Variants in TNIK observed in about 807,000 individuals in gnomAD.
The protein encoded by TNIK is TRAF2 and NCK-interacting protein kinase.
In TNIK, 49 loss-of-function variants were observed where a neutral mutation model predicts 191.3. The observed-to-expected ratio is 0.26, with a 90% CI of 0.20 to 0.32. The LOEUF (loss-of-function observed/expected upper bound fraction) is 0.32. Among genes scored for constraint, TNIK ranks in the 10% least tolerant of loss-of-function variants. TNIK has a pLI of 1.00. For missense variants in TNIK, 1,155 were observed against 1,702.3 expected, an observed-to-expected ratio of 0.68 and a Z score of 5.66; for synonymous variants, 594 against 600.9, an observed-to-expected ratio of 0.99 and a Z score of 0.17.
chr3:171,384,700 G>A (rs925415971), intron 1 of TNIK, among the ~76,000 whole-genome samples: 7 of 152,180 alleles, frequency 4.6e-5, no homozygotes, highest in Non-Finnish European at 1.0e-4. Context: ...GATATTTATG[G>A]CATGAGCTGG....
intron 21 of TNIK, among the ~76,000 whole-genome samples, chr3:171,103,062 A>G (rs1723866818): frequency 6.6e-6 from 1 of 152,194 alleles, no homozygotes; most frequent in South Asian, 2.1e-4. Context: ...TAGAAATCAA[A>G]GGGAAAGCAA....
chr3:171,329,970 G>A (rs923131155), intron 2 of TNIK, among the ~76,000 whole-genome samples: 15 of 152,180 alleles, frequency 9.9e-5, no homozygotes, highest in South Asian at 2.1e-4. Flanking sequence ...CAATGTCAAA[G>A]GTTGTCACAG....
intron 2 of TNIK, among the ~76,000 whole-genome samples, chr3:171,230,616 T>C (rs1391406392): frequency 1.3e-5 from 2 of 152,148 alleles, no homozygotes; most frequent in East Asian, 3.8e-4. Context: ...GTTTCTTGCC[T>C]CTCAGATGGT....
rs559690270 is a variant in TNIK, at chr3:171,221,631, C to T, written c.180+6534G>A. Reference sequence around the variant, plus strand: ...GTCTGTCTTGTTCACTGGATGACTCCGTAGCACAGTGCACTCATTCATTCT... The same window carrying T: ...GTCTGTCTTGTTCACTGGATGACTCTGTAGCACAGTGCACTCATTCATTCT... On this transcript the variant is annotated intron_variant, in intron 3 of 32. Transcript: ENST00000436636. Among the ~76,000 whole-genome samples, 312 of 152,170 alleles carry T rather than the reference C, an allele frequency of 2.1e-3. 3 individuals are homozygous for T. Among genetic ancestry groups the T allele is most frequent in the Middle Eastern group, 0.01 (3 of 294 alleles).
chr3:171,082,439 T>C (rs1720815751), intron 26 of TNIK, 45 bp from the exon 27 acceptor site: 2 of 1,592,662 alleles, frequency 1.3e-6, no homozygotes, highest in Admixed American at 1.8e-5. Context: ...TCATGAACTT[T>C]AATCTTCTGC....
At chr3:171,396,286 T>C (rs1177554550) in intron 1 of TNIK, among the ~76,000 whole-genome samples, 4 of 152,228 alleles carry the variant, frequency 2.6e-5, no homozygotes, top group Non-Finnish European at 5.9e-5. Flanking sequence ...ATATCATTAC[T>C]TCATTCCTTT....
At chr3:171,123,783 A>G in intron 17 of TNIK, 81 bp from the exon 18 acceptor site, 1 of 1,044,306 alleles carries the variant, frequency 9.6e-7, no homozygotes, top group Non-Finnish European at 1.4e-6. Flanking sequence ...CTTTCCAATG[A>G]TTTGCCAGAA....
At chr3:171,119,309 G>A (rs1018259112) in intron 18 of TNIK, among the ~76,000 whole-genome samples, 22 of 152,244 alleles carry the variant, frequency 1.4e-4, no homozygotes, top group African/African-American at 4.8e-4. Context: ...TGGAGAGGAT[G>A]TGGAGAAATA....
At chr3:171,386,037 G>A (rs1055896872) in intron 1 of TNIK, among the ~76,000 whole-genome samples, 8 of 152,148 alleles carry the variant, frequency 5.3e-5, no homozygotes, top group African/African-American at 1.9e-4. Flanking sequence ...ACTCAGCTAT[G>A]CTCCTGCTCC....
At chr3:171,375,808 C>G (rs528530230) in intron 1 of TNIK, among the ~76,000 whole-genome samples, 1 of 152,324 alleles carries the variant, frequency 6.6e-6, no homozygotes, top group Non-Finnish European at 1.5e-5. Context: ...CTCCCCACTT[C>G]TTTGAAAATG....
At chr3:171,399,113 A>G (rs551310989) in intron 1 of TNIK, among the ~76,000 whole-genome samples, 3 of 152,348 alleles carry the variant, frequency 2.0e-5, no homozygotes, top group Admixed American at 1.3e-4. Flanking sequence ...GTTCTTTGAA[A>G]TAATTCAGAA....
At chr3:171,097,634 T>C (rs980146993) in intron 22 of TNIK, among the ~76,000 whole-genome samples, 2 of 152,212 alleles carry the variant, frequency 1.3e-5, no homozygotes, top group African/African-American at 2.4e-5. Flanking sequence ...CCTGCTGCCA[T>C]GTAAGACATG....
intron 2 of TNIK, among the ~76,000 whole-genome samples, chr3:171,355,553 A>G (rs1165366855): frequency 6.6e-6 from 1 of 152,154 alleles, no homozygotes; most frequent in African/African-American, 2.4e-5. Flanking sequence ...CCTCCACCCA[A>G]AGAAGAGGAC....
Position 171,432,652 on chromosome 3 carries a change from T to C in TNIK, c.57+27355A>G, listed in dbSNP as rs77162434. 7.5e-3 allele frequency among the ~76,000 whole-genome samples: 1,147 copies of C among 152,314 alleles called. 11 individuals carry two copies. The highest frequency in any genetic ancestry group is 0.026 in the African/African-American group (1,099 of 41,578). On this transcript the variant is annotated intron_variant, in intron 1 of 32. Coordinates refer to ENST00000436636, the MANE Select transcript of TNIK (RefSeq NM_015028.4). ...ATCTAAGTTTGGTAGCAAAAGTTTA[T>C]GATAAAATCCTTGTATTCCCTGACA...
chr3:171,327,506 C>T (rs959774773), intron 2 of TNIK, among the ~76,000 whole-genome samples: 1 of 152,114 alleles, frequency 6.6e-6, no homozygotes, highest in African/African-American at 2.4e-5. Flanking sequence ...AAGATGGATA[C>T]GCTCTCTCTT....
chr3:171,146,893 CA>C (rs34998782), intron 12 of TNIK, among the ~76,000 whole-genome samples: 5,385 of 54,878 alleles, frequency 0.098, 191 homozygotes, highest in African/African-American at 0.25. Context: ...GACTTCATCT[CA>C]AAAAAAAAAA....
At chr3:171,256,286 A>C (rs1022275809) in intron 2 of TNIK, among the ~76,000 whole-genome samples, 1 of 152,200 alleles carries the variant, frequency 6.6e-6, no homozygotes, top group Non-Finnish European at 1.5e-5. Context: ...TGAGTCTACA[A>C]TTCCCAAGGC....
Position 171,093,965 on chromosome 3 carries a change from T to C in TNIK, c.2595A>G (p.Pro865=). 1 of 1,612,476 alleles carries C rather than the reference T, an allele frequency of 6.2e-7. No homozygotes were observed. The highest frequency in any genetic ancestry group is 8.5e-7 in the Non-Finnish European group (1 of 1,179,394). Residue 865 remains proline (P), a synonymous_variant, in exon 23 of 33, where the codon CCA becomes CCG. Coordinates refer to ENST00000436636, the MANE Select transcript of TNIK (RefSeq NM_015028.4). ...VAVSDIPRLI[P]TGAPGSNEQY... is the part of the protein sequence containing the mutation. ...GCTCGTTGCTGCCTGGAGCTCCTGT[T>C]GGTCTGAGATGAGAAGGAACAACAT...
chr3:171,087,257 G>A (rs539464880), intron 24 of TNIK, 85 bp downstream of exon 24: 88 of 1,555,154 alleles, frequency 5.7e-5, no homozygotes, highest in East Asian at 4.1e-4. Flanking sequence ...GGAGCTTGGC[G>A]AAGCCTCATT....
Sources: allele counts gnomAD v4.1 joint callset (sites outside exome capture counted in the v4.1 genomes callset), GRCh38; gene constraint gnomAD v4.1.1; transcripts MANE v1.5; gene names NCBI Gene and HGNC (gene_info 2026-07-23, HGNC 2026-07-21).